The following NCKAP5 variants were observed in gnomAD, a reference collection of about 807,000 sequenced individuals.
The protein encoded by NCKAP5 is nck-associated protein 5.
Under a neutral mutation model 167.0 loss-of-function variants are expected in NCKAP5, and 92 were observed. The observed-to-expected ratio is 0.55, with a 90% confidence interval of 0.47 to 0.66. The LOEUF is 0.66. NCKAP5 is among the 30% of genes least tolerant of loss of function. The probability of loss-of-function intolerance (pLI) is 0.00; values close to 1 mark genes in which losing one functional copy is unlikely to be tolerated. For missense variants in NCKAP5, 2,378 were observed against 2,315.0 expected, an observed-to-expected ratio of 1.03 and a Z score of -0.56; for synonymous variants, 891 against 877.4, an observed-to-expected ratio of 1.02 and a Z score of -0.27.
chr2:132,974,618 G>A (rs1444252639), intron 7 of NCKAP5, among the ~76,000 whole-genome samples: 1 of 152,152 alleles, frequency 6.6e-6, no homozygotes, highest in East Asian at 1.9e-4. Flanking sequence ...CAGACTCGGT[G>A]ACCTCTTTTG....
chr2:133,470,402 T>C (rs1299681635), intron 3 of NCKAP5, among the ~76,000 whole-genome samples: 1 of 152,186 alleles, frequency 6.6e-6, no homozygotes, highest in Non-Finnish European at 1.5e-5. Context: ...GGAGAACCAC[T>C]GCTCTCTTCA....
At chr2:133,451,359 T>A (rs911812123) in intron 3 of NCKAP5, among the ~76,000 whole-genome samples, 3 of 152,152 alleles carry the variant, frequency 2.0e-5, no homozygotes, top group African/African-American at 7.2e-5. Flanking sequence ...GTCAGGTGGG[T>A]CAGGACCAGT....
intron 3 of NCKAP5, among the ~76,000 whole-genome samples, chr2:133,436,001 T>C (rs938696711): frequency 6.6e-6 from 1 of 152,198 alleles, no homozygotes; most frequent in African/African-American, 2.4e-5. Context: ...GTTTGAGGCA[T>C]TATCATTCAC....
chr2:132,755,413 A>T (rs1324303105), intron 16 of NCKAP5, among the ~76,000 whole-genome samples: 1 of 152,208 alleles, frequency 6.6e-6, no homozygotes, highest in African/African-American at 2.4e-5. Flanking sequence ...CTATTCGTCA[A>T]TATGAACCCT....
chr2:133,354,253 T>TC (rs1684555376), intron 3 of NCKAP5, among the ~76,000 whole-genome samples: 1 of 136,862 alleles, frequency 7.3e-6, no homozygotes, highest in Non-Finnish European at 1.6e-5. Context: ...AGATTAGTTC[T>TC]CTTTTTTTTT....
At chr2:133,504,513 G>A (rs1031778595) in intron 3 of NCKAP5, among the ~76,000 whole-genome samples, 1 of 151,888 alleles carries the variant, frequency 6.6e-6, no homozygotes, top group Non-Finnish European at 1.5e-5. Context: ...AATACTATAA[G>A]AGAACCCTGA....
chr2:133,107,258 C>T (rs1225264058), intron 6 of NCKAP5, among the ~76,000 whole-genome samples: 2 of 152,182 alleles, frequency 1.3e-5, no homozygotes, highest in Admixed American at 1.3e-4. Flanking sequence ...TAAAAAGCCA[C>T]CAATGGGCTC....
At chr2:132,773,280 G>A (rs1043466620) in intron 16 of NCKAP5, among the ~76,000 whole-genome samples, 1 of 152,152 alleles carries the variant, frequency 6.6e-6, no homozygotes, top group Non-Finnish European at 1.5e-5. Flanking sequence ...TGCGTGCTGG[G>A]AACTTGAGTT....
At chr2:133,056,441 C>A (rs1175651093) in intron 6 of NCKAP5, among the ~76,000 whole-genome samples, 1 of 152,026 alleles carries the variant, frequency 6.6e-6, no homozygotes, top group East Asian at 1.9e-4. Flanking sequence ...TGTAAAATTT[C>A]TTCTTTAAAA....
At chr2:133,063,509 T>C (rs2080082761) in intron 6 of NCKAP5, among the ~76,000 whole-genome samples, 1 of 152,202 alleles carries the variant, frequency 6.6e-6, no homozygotes, top group Non-Finnish European at 1.5e-5. Flanking sequence ...TGAAGCAATT[T>C]CTGATAACTG....
At chr2:132,884,915 G>A (rs911124284) in intron 8 of NCKAP5, among the ~76,000 whole-genome samples, 4 of 152,130 alleles carry the variant, frequency 2.6e-5, no homozygotes, top group Non-Finnish European at 4.4e-5. Flanking sequence ...TCATTATACC[G>A]TTTACATTAC....
the NCKAP5 span, among the ~76,000 whole-genome samples, chr2:133,632,961 A>G: frequency 4.2e-4 from 64 of 152,196 alleles, 1 homozygote; most frequent in Non-Finnish European, 2.9e-5. Flanking sequence ...GCCAGCTTGC[A>G]TCTGGACACA....
chr2:132,778,313 A>G (rs1682724634), intron 15 of NCKAP5, among the ~76,000 whole-genome samples: 1 of 151,844 alleles, frequency 6.6e-6, no homozygotes, highest in African/African-American at 2.4e-5. Flanking sequence ...CTGAAATAAG[A>G]AAAAATTTAA....
chr2:133,449,538 T>G (rs546231640), intron 3 of NCKAP5, among the ~76,000 whole-genome samples: 152 of 152,348 alleles, frequency 1.0e-3, no homozygotes, highest in African/African-American at 3.5e-3. Context: ...ATAGTTGGAC[T>G]TTTGGGTCCT....
At chr2:133,025,721 T>G (rs1157655723) in intron 6 of NCKAP5, among the ~76,000 whole-genome samples, 1 of 152,162 alleles carries the variant, frequency 6.6e-6, no homozygotes, top group Non-Finnish European at 1.5e-5. Flanking sequence ...TAGCACAGAT[T>G]TTAGTGATAT....
the NCKAP5 span, among the ~76,000 whole-genome samples, chr2:133,580,363 T>C: frequency 0.037 from 5,634 of 152,296 alleles, 367 homozygotes; most frequent in African/African-American, 0.13. Context: ...GCACCTCTGG[T>C]TTCTCTGAGC....
chr2:133,291,362 G>T (rs1377304631), intron 4 of NCKAP5, among the ~76,000 whole-genome samples: 1 of 152,178 alleles, frequency 6.6e-6, no homozygotes, highest in Non-Finnish European at 1.5e-5. Context: ...CAGAGTCACT[G>T]TTACATGTTT....
At chr2:133,532,590 C>T (rs1008400083) in intron 2 of NCKAP5, among the ~76,000 whole-genome samples, 12 of 152,114 alleles carry the variant, frequency 7.9e-5, no homozygotes, top group Non-Finnish European at 1.5e-4. Flanking sequence ...TTACTGTTTC[C>T]TTTACACATT....
At position 132,822,037 on chromosome 2, in the gene NCKAP5, A is replaced by G. The variant is rs181304450; in HGVS notation, c.808-25308T>C. On this transcript the variant is annotated intron_variant, in intron 11 of 19. Coordinates refer to ENST00000409261, the MANE Select transcript of NCKAP5 (RefSeq NM_207363.3). ...TCTGGCCATCTTAGGGCAAGCTTAG[A>G]GTCCCCTACTAGCATCTTGGCTGCT... Among the ~76,000 whole-genome samples, 15 of 152,292 alleles carry G rather than the reference A, an allele frequency of 9.8e-5. No homozygotes were observed. The East Asian group carries it at 2.9e-3, about 29-fold the overall frequency.
Sources: allele counts gnomAD v4.1 joint callset (sites outside exome capture counted in the v4.1 genomes callset), GRCh38; gene constraint gnomAD v4.1.1; transcripts MANE v1.5; gene names NCBI Gene and HGNC (gene_info 2026-07-23, HGNC 2026-07-21).